Variants in RAD51B observed in about 807,000 individuals in gnomAD.
RAD51B encodes the protein DNA repair protein RAD51 homolog 2.
Under a neutral mutation model 42.2 loss-of-function variants are expected in RAD51B, and 38 were observed. The observed-to-expected ratio is 0.90, with a 90% confidence interval of 0.70 to 1.18. RAD51B has a LOEUF of 1.18. Among genes scored for constraint, RAD51B ranks in the 50% most tolerant of loss-of-function variants. The pLI, the probability that RAD51B is intolerant of heterozygous loss-of-function variation, is 0.00. For missense variants in RAD51B, 373 were observed against 400.7 expected, an observed-to-expected ratio of 0.93 and a Z score of 0.59; for synonymous variants, 154 against 145.2, an observed-to-expected ratio of 1.06 and a Z score of -0.43.
chr14:67,837,502 G>T (rs1388251531), intron 4 of RAD51B, among the ~76,000 whole-genome samples: 1 of 152,122 alleles, frequency 6.6e-6, no homozygotes, highest in Non-Finnish European at 1.5e-5. Context: ...CTTGGAATAG[G>T]AATATAAATA....
intron 7 of RAD51B, among the ~76,000 whole-genome samples, chr14:68,286,405 T>G (rs775067739): frequency 2.6e-5 from 4 of 152,252 alleles, no homozygotes; most frequent in Non-Finnish European, 5.9e-5. Flanking sequence ...CATGAATATC[T>G]CTTCTGCTGA....
chr14:68,118,341 A>T (rs1213511478), intron 7 of RAD51B, among the ~76,000 whole-genome samples: 1 of 152,172 alleles, frequency 6.6e-6, no homozygotes, highest in Non-Finnish European at 1.5e-5. Flanking sequence ...CTGCTTCAGG[A>T]TCTAATCCAG....
intron 7 of RAD51B, among the ~76,000 whole-genome samples, chr14:67,910,475 A>T (rs2043939981): frequency 6.6e-6 from 1 of 150,816 alleles, no homozygotes; most frequent in Non-Finnish European, 1.5e-5. Context: ...CACTGAAGAA[A>T]TTGTAAAAGT....
At chr14:68,629,909 C>T (rs993004941) in intron 10 of RAD51B, among the ~76,000 whole-genome samples, 2 of 152,204 alleles carry the variant, frequency 1.3e-5, no homozygotes, top group African/African-American at 4.8e-5. Flanking sequence ...GGAACTTGTC[C>T]AGAGCCATTC....
chr14:68,645,897 A>G (rs988560131), intron 10 of RAD51B, among the ~76,000 whole-genome samples: 1 of 150,794 alleles, frequency 6.6e-6, no homozygotes, highest in Non-Finnish European at 1.5e-5. Context: ...TTGGTTATTT[A>G]CATAGGCAAG....
chr14:68,110,688 A>T (rs2077446537), intron 7 of RAD51B, among the ~76,000 whole-genome samples: 1 of 152,078 alleles, frequency 6.6e-6, no homozygotes, highest in South Asian at 2.1e-4. Context: ...AAGCACTTAG[A>T]ACTTAGAATG....
chr14:68,442,305 A>G, intron 9 of RAD51B, among the ~76,000 whole-genome samples: 1 of 152,084 alleles, frequency 6.6e-6, no homozygotes, highest in Non-Finnish European at 1.5e-5. Context: ...GGTCTGGAGT[A>G]TTAGTCTCTA....
intron 7 of RAD51B, among the ~76,000 whole-genome samples, chr14:68,235,557 A>G (rs1003464436): frequency 6.6e-6 from 1 of 150,642 alleles, no homozygotes; most frequent in Admixed American, 6.6e-5. Context: ...ACAAAAAATT[A>G]GCCGGGCGTA....
chr14:68,195,269 T>G (rs1777254322), intron 7 of RAD51B, among the ~76,000 whole-genome samples: 1 of 152,192 alleles, frequency 6.6e-6, no homozygotes, highest in Admixed American at 6.5e-5. Context: ...GAAACCTGAG[T>G]CATCCTTGAC....
At chr14:68,212,692 A>G (rs2140947576) in intron 7 of RAD51B, among the ~76,000 whole-genome samples, 1 of 152,370 alleles carries the variant, frequency 6.6e-6, no homozygotes, top group South Asian at 2.1e-4. Flanking sequence ...GGAGTGAAGA[A>G]GAAGACATGT....
At chr14:67,835,242 T>C in intron 4 of RAD51B, 46 bp downstream of exon 4, 2 of 1,329,764 alleles carry the variant, frequency 1.5e-6, no homozygotes, top group South Asian at 2.5e-5. Context: ...CCTATAACCT[T>C]CAGAGCTAGG....
At chr14:68,278,459 A>G (rs1030502142) in intron 7 of RAD51B, among the ~76,000 whole-genome samples, 1 of 152,186 alleles carries the variant, frequency 6.6e-6, no homozygotes, top group Non-Finnish European at 1.5e-5. Context: ...TAACTAAGGC[A>G]CTGAACATGG....
chr14:68,031,659 G>C (rs1479538036), intron 7 of RAD51B, among the ~76,000 whole-genome samples: 5 of 151,866 alleles, frequency 3.3e-5, no homozygotes, highest in Non-Finnish European at 7.4e-5. Flanking sequence ...AGAAACCCTG[G>C]TGTCTTTAAA....
intron 7 of RAD51B, among the ~76,000 whole-genome samples, chr14:68,079,815 T>C (rs1291987961): frequency 1.3e-5 from 2 of 152,254 alleles, no homozygotes; most frequent in Admixed American, 6.5e-5. Context: ...CAAGAAAGAT[T>C]TAAGGTGGCG....
chr14:68,259,871 A>G (rs2080840818), intron 7 of RAD51B, among the ~76,000 whole-genome samples: 1 of 152,142 alleles, frequency 6.6e-6, no homozygotes, highest in South Asian at 2.1e-4. Flanking sequence ...TTATTCCTTC[A>G]TTATATATTT....
chr14:68,127,164 G>C (rs995706856), intron 7 of RAD51B, among the ~76,000 whole-genome samples: 1 of 152,020 alleles, frequency 6.6e-6, no homozygotes, highest in Non-Finnish European at 1.5e-5. Context: ...ATTTATCATG[G>C]AAATCAGAAA....
chr14:68,600,925 G>A (rs1891190997), downstream of RAD51B, among the ~76,000 whole-genome samples: 1 of 152,182 alleles, frequency 6.6e-6, no homozygotes, highest in Non-Finnish European at 1.5e-5. Context: ...CATAAGAATT[G>A]AGGTATTTCC....
At position 67,885,891 on chromosome 14, in the gene RAD51B, C is replaced by T. The variant is rs61755649; in HGVS notation, c.475C>T (p.Arg159Cys). ...AERLVEIAES[R>C]FPRYFNTEEK... ...CAGACTGGTTGAAATAGCAGAATCC[C>T]GTTTTCCCAGATATTTTAACACTGA... is the stretch of plus-strand genomic sequence containing the variant. The change falls in exon 6 of 11, where the codon CGT becomes TGT. Residue 159 changes from arginine to cysteine, a missense_variant. Arg to Cys is a radical substitution (Grantham distance 180). Transcript: ENST00000471583. 9.8e-5 allele frequency: 157 copies of T among 1,608,198 alleles called. No individual in the cohort carries two copies. The highest frequency in any genetic ancestry group is 1.7e-4 in the Middle Eastern group (1 of 6,052).
At chr14:67,977,650 G>A (rs2075020410) in intron 7 of RAD51B, among the ~76,000 whole-genome samples, 1 of 152,154 alleles carries the variant, frequency 6.6e-6, no homozygotes, top group Non-Finnish European at 1.5e-5. Context: ...GATTCACAAA[G>A]AAAGGGCAAT....
Sources: gnomAD v4.1 joint callset for allele counts (sites outside exome capture counted in the v4.1 genomes callset) on GRCh38, gnomAD v4.1.1 for gene constraint, MANE v1.5 for transcripts, NCBI Gene and HGNC (gene_info 2026-07-23, HGNC 2026-07-21) for gene names.